Variants in KPNA6 observed in about 807,000 individuals in gnomAD.
KPNA6 encodes karyopherin subunit alpha 6.
Under a neutral mutation model 72.0 loss-of-function variants are expected in KPNA6, and 9 were observed. The observed-to-expected ratio is 0.13, with a 90% confidence interval of 0.08 to 0.22. The LOEUF (loss-of-function observed/expected upper bound fraction) is 0.22. KPNA6 is among the 10% of genes least tolerant of loss of function. The probability of loss-of-function intolerance (pLI) is 1.00; values close to 1 mark genes in which losing one functional copy is unlikely to be tolerated. For synonymous variants in KPNA6, 219 were observed against 242.1 expected (o/e 0.90, Z 0.89); for missense variants, 374 against 655.7 (o/e 0.57, Z 4.69).
At chr1:32,133,559 C>T (rs1336338028) in intron 1 of KPNA6, among the ~76,000 whole-genome samples, 1 of 149,650 alleles carries the variant, frequency 6.7e-6, no homozygotes, top group African/African-American at 2.5e-5. Flanking sequence ...GACATGATGG[C>T]ATGGGCCTGT....
intron 11 of KPNA6, 124 bp from the exon 12 acceptor site, chr1:32,167,045 A>C: frequency 8.0e-7 from 1 of 1,257,608 alleles, no homozygotes; most frequent in South Asian, 1.4e-5. Context: ...CTATATAGGA[A>C]GAACAAAAGA....
At chr1:32,142,902 T>C (rs1012236834) in intron 1 of KPNA6, 84 of 1,258,652 alleles carry the variant, frequency 6.7e-5, no homozygotes, top group Admixed American at 1.2e-4. Flanking sequence ...GATAGTTTCT[T>C]GTCACCATGG....
intron 1 of KPNA6, among the ~76,000 whole-genome samples, chr1:32,117,423 C>T (rs1340149459): frequency 2.6e-5 from 4 of 152,022 alleles, no homozygotes; most frequent in Non-Finnish European, 4.4e-5. Flanking sequence ...CCACCCGCCT[C>T]GGCCTCCCAA....
intron 1 of KPNA6, among the ~76,000 whole-genome samples, chr1:32,124,631 T>C (rs1157228917): frequency 6.6e-6 from 1 of 151,364 alleles, no homozygotes; most frequent in Non-Finnish European, 1.5e-5. Context: ...CTCAACCTCC[T>C]GAGTAGCTGG....
intron 1 of KPNA6, among the ~76,000 whole-genome samples, chr1:32,127,567 A>C (rs1641556597): frequency 6.6e-6 from 1 of 152,242 alleles, no homozygotes; most frequent in African/African-American, 2.4e-5. Context: ...AGGGATTTTT[A>C]TAATTCAGCT....
chr1:32,126,604 C>T (rs182534948), intron 1 of KPNA6, among the ~76,000 whole-genome samples: 2 of 152,110 alleles, frequency 1.3e-5, no homozygotes, highest in Admixed American at 1.3e-4. Context: ...AGGCTGCTCT[C>T]GAACCCTTGA....
chr1:32,150,127 C>CTTTTTTTTTTTTTTT (rs35179721), intron 1 of KPNA6, among the ~76,000 whole-genome samples: 4 of 87,050 alleles, frequency 4.6e-5, no homozygotes, highest in Non-Finnish European at 8.9e-5. Flanking sequence ...AATTTTTAGT[C>CTTTTTTTTTTTTTTT]TTTTTTTTTT....
At chr1:32,158,172 G>T in intron 4 of KPNA6, 95 bp from the exon 5 acceptor site, 1 of 743,332 alleles carries the variant, frequency 1.3e-6, no homozygotes, top group Non-Finnish European at 2.3e-6. Flanking sequence ...TGTAAGGGTG[G>T]TCAGAAGTGT....
chr1:32,108,732 G>T (rs1641192254), intron 1 of KPNA6, among the ~76,000 whole-genome samples: 1 of 152,224 alleles, frequency 6.6e-6, no homozygotes, highest in Non-Finnish European at 1.5e-5. Context: ...GGCTCAGAGT[G>T]GCATCGCTTG....
At chr1:32,124,817 T>C (rs753662752) in intron 1 of KPNA6, among the ~76,000 whole-genome samples, 1 of 150,400 alleles carries the variant, frequency 6.6e-6, no homozygotes, top group Non-Finnish European at 1.5e-5. Context: ...GGCCTCGTCT[T>C]TTTTTAAGAG....
chr1:32,155,326 CT>C (rs1313895233), intron 2 of KPNA6, among the ~76,000 whole-genome samples: 1,358 of 133,326 alleles, frequency 0.01, 15 homozygotes, highest in African/African-American at 0.032. Context: ...TTTTTTTTTT[CT>C]TTTTTTTTTT....
intron 6 of KPNA6, among the ~76,000 whole-genome samples, chr1:32,160,103 C>A (rs762409935): frequency 6.6e-6 from 1 of 152,076 alleles, no homozygotes; most frequent in Admixed American, 6.6e-5. Context: ...TCAAGACCAG[C>A]CTGACCAACA....
intron 1 of KPNA6, among the ~76,000 whole-genome samples, chr1:32,124,200 C>T (rs1238911306): frequency 6.6e-6 from 1 of 151,728 alleles, no homozygotes; most frequent in African/African-American, 2.4e-5. Context: ...TGATCAAACC[C>T]CGTGTCTACA....
rs748262313 is a variant in KPNA6, at chr1:32,162,411, G to A, written c.798G>A (p.Ser266=). Residue 266 remains serine, a synonymous_variant, in exon 9 of 14, where the codon TCG becomes TCA. Coordinates refer to ENST00000373625, the MANE Select transcript of KPNA6 (RefSeq NM_012316.5). ...CTCGCCTACTCTTCAGCAGCGACTC[G>A]GACTTGCTGGCAGATGCTTGCTGGG... ...VLSRLLFSSD[S]DLLADACWAL... 18 of 1,613,642 alleles carry A rather than the reference G, an allele frequency of 1.1e-5. No homozygotes were observed. Among genetic ancestry groups the A allele is most frequent in the Non-Finnish European group, 1.4e-5 (17 of 1,179,874 alleles).
intron 1 of KPNA6, among the ~76,000 whole-genome samples, chr1:32,125,950 C>T (rs1384762006): frequency 6.9e-6 from 1 of 145,154 alleles, no homozygotes; most frequent in Non-Finnish European, 1.5e-5. Flanking sequence ...CAGATTTTGC[C>T]GCCAAATGTG....
At chr1:32,159,663 A>G in intron 6 of KPNA6, 132 bp downstream of exon 6, 1 of 983,168 alleles carries the variant, frequency 1.0e-6, no homozygotes, top group Non-Finnish European at 1.5e-6. Flanking sequence ...TGTCAAGTAC[A>G]GATGGCCCCT....
chr1:32,146,806 G>T (rs543940489), intron 1 of KPNA6, among the ~76,000 whole-genome samples: 1 of 152,124 alleles, frequency 6.6e-6, no homozygotes, highest in East Asian at 1.9e-4. Flanking sequence ...TCTTCATATG[G>T]CATCAAGTTA....
At position 32,172,676 on chromosome 1, in the gene KPNA6, G is replaced by T. The variant is rs767687809; in HGVS notation, c.*1782G>T. 1 of 162,174 alleles carries T rather than the reference G, an allele frequency of 6.2e-6. No individual in the cohort carries two copies. Among genetic ancestry groups the T allele is most frequent in the Non-Finnish European group, 1.3e-5 (1 of 75,056 alleles). 10.0% of individuals were successfully genotyped at this position (162,174 alleles called of 1,614,324 possible). On this transcript the variant is annotated 3_prime_UTR_variant, in exon 14 of 14. Transcript: ENST00000373625. ...GCCTCTGGGTGGATTACATATGATAGTAAAGCCCACCTGTTTGGATGGGAG... is the reference window on the plus strand; with the variant it reads ...GCCTCTGGGTGGATTACATATGATATTAAAGCCCACCTGTTTGGATGGGAG...
At chr1:32,132,737 A>G (rs532680322) in intron 1 of KPNA6, among the ~76,000 whole-genome samples, 3 of 152,196 alleles carry the variant, frequency 2.0e-5, no homozygotes, top group Non-Finnish European at 4.4e-5. Flanking sequence ...CCCCGTCTCT[A>G]CTAAAAATAC....
Sources: gnomAD v4.1 joint callset for allele counts (sites outside exome capture counted in the v4.1 genomes callset) on GRCh38, gnomAD v4.1.1 for gene constraint, MANE v1.5 for transcripts, NCBI Gene and HGNC (gene_info 2026-07-23, HGNC 2026-07-21) for gene names.